The following OCM variants were observed in gnomAD, a reference collection of about 807,000 sequenced individuals.
OCM encodes oncomodulin-1.
OCM carries 18 observed loss-of-function variants against 14.1 expected under a neutral mutation model. The observed-to-expected ratio is 1.28, with a 90% CI of 0.88 to 1.89. OCM has a LOEUF of 1.89. OCM is among the 40% of genes most tolerant of loss of function. The pLI is 0.00. For missense variants in OCM, 140 were observed against 137.6 expected (o/e 1.02, Z -0.09); for synonymous variants, 48 against 51.0 (o/e 0.94, Z 0.25).
chr7:5,867,396 A>G, the OCM span, among the ~76,000 whole-genome samples: 1 of 151,720 alleles, frequency 6.6e-6, no homozygotes, highest in Non-Finnish European at 1.5e-5. Flanking sequence ...TGCCTTTATG[A>G]CCTTCATCTT....
At chr7:5,885,613 CTT>C (rs917292765) in intron 3 of OCM, among the ~76,000 whole-genome samples, 46 of 138,226 alleles carry the variant, frequency 3.3e-4, no homozygotes, top group Non-Finnish European at 3.3e-4. Context: ...TCTTTCTTTC[CTT>C]TTTTTTTTTT....
the OCM span, among the ~76,000 whole-genome samples, chr7:5,874,739 C>T: frequency 2.0e-4 from 31 of 151,982 alleles, no homozygotes; most frequent in Non-Finnish European, 4.3e-4. Flanking sequence ...CTCCTGGCTT[C>T]AAGCAATTTT....
upstream of OCM, chr7:5,880,723 C>A (rs1781193315): frequency 6.6e-6 from 4 of 601,672 alleles, no homozygotes; most frequent in Admixed American, 1.2e-4. Context: ...CACGCTCTTG[C>A]ACTCCAGCCT....
the OCM span, among the ~76,000 whole-genome samples, chr7:5,872,500 G>A: frequency 6.6e-6 from 1 of 152,026 alleles, no homozygotes; most frequent in Non-Finnish European, 1.5e-5. Context: ...CATCCCCCAC[G>A]TCACCACACA....
At chr7:5,860,340 A>G in the OCM span, among the ~76,000 whole-genome samples, 176 of 147,226 alleles carry the variant, frequency 1.2e-3, no homozygotes, top group African/African-American at 4.2e-3. Context: ...GGCTCTCCGT[A>G]TGTGTGTGTG....
chr7:5,874,362 T>A, the OCM span, among the ~76,000 whole-genome samples: 1 of 151,096 alleles, frequency 6.6e-6, no homozygotes, highest in Admixed American at 6.6e-5. Flanking sequence ...AATATATACA[T>A]ATACATGATA....
At chr7:5,869,920 G>A in the OCM span, among the ~76,000 whole-genome samples, 1 of 152,138 alleles carries the variant, frequency 6.6e-6, no homozygotes, top group Non-Finnish European at 1.5e-5. Context: ...CGCGCCACGT[G>A]TGTGAATTGC....
chr7:5,883,501 T>G (rs902587542), intron 2 of OCM, among the ~76,000 whole-genome samples: 12 of 152,048 alleles, frequency 7.9e-5, no homozygotes, highest in African/African-American at 2.7e-4. Flanking sequence ...CTGGGGAACA[T>G]GACAAAACCT....
At chr7:5,883,688 A>AAAACAAAC (rs57281164) in intron 2 of OCM, among the ~76,000 whole-genome samples, 8 of 150,182 alleles carry the variant, frequency 5.3e-5, no homozygotes, top group Admixed American at 1.3e-4. Flanking sequence ...CCCTGTCTCA[A>AAAACAAAC]AAACAAACAA....
At chr7:5,873,303 G>T in the OCM span, among the ~76,000 whole-genome samples, 1 of 152,180 alleles carries the variant, frequency 6.6e-6, no homozygotes. Context: ...CTTGAATCTG[G>T]GAGGTAGAGG....
the OCM span, among the ~76,000 whole-genome samples, chr7:5,860,476 TGTATATATAC>T: frequency 5.5e-5 from 2 of 36,576 alleles, no homozygotes; most frequent in African/African-American, 3.7e-4. Flanking sequence ...TATATATACG[TGTATATATAC>T]GTGTATATAT....
At chr7:5,862,668 C>G in the OCM span, among the ~76,000 whole-genome samples, 1 of 152,162 alleles carries the variant, frequency 6.6e-6, no homozygotes, top group Non-Finnish European at 1.5e-5. Context: ...AAACTCTTTA[C>G]TCCCTCTTTT....
At chr7:5,883,723 T>C (rs1402330306) in intron 2 of OCM, among the ~76,000 whole-genome samples, 167 bp from the exon 3 acceptor site, 1 of 151,924 alleles carries the variant, frequency 6.6e-6, no homozygotes, top group African/African-American at 2.4e-5. Context: ...AAAAATGAAG[T>C]GCCCACCATT....
chr7:5,877,189 G>T (rs1017736182), upstream of OCM, among the ~76,000 whole-genome samples: 2 of 152,054 alleles, frequency 1.3e-5, no homozygotes, highest in Non-Finnish European at 2.9e-5. Flanking sequence ...TTGAGGCTGG[G>T]CACAGTGGCT....
the OCM span, among the ~76,000 whole-genome samples, chr7:5,871,186 T>C: frequency 3.0e-3 from 443 of 148,680 alleles, no homozygotes; most frequent in African/African-American, 0.01. Context: ...CCCCCCCGTC[T>C]CTACAAAAAA....
At chr7:5,869,809 A>G in the OCM span, among the ~76,000 whole-genome samples, 1 of 152,040 alleles carries the variant, frequency 6.6e-6, no homozygotes, top group Non-Finnish European at 1.5e-5. Context: ...AACCTCTCGG[A>G]AGCACTCAAC....
At chr7:5,872,723 G>A in the OCM span, among the ~76,000 whole-genome samples, 1 of 152,042 alleles carries the variant, frequency 6.6e-6, no homozygotes, top group Non-Finnish European at 1.5e-5. Flanking sequence ...AAGTACCCAG[G>A]GACACAAACA....
chr7:5,879,030 A>G (rs932005557), upstream of OCM, among the ~76,000 whole-genome samples: 4 of 151,990 alleles, frequency 2.6e-5, no homozygotes, highest in Non-Finnish European at 4.4e-5. Context: ...TGTCTCTCCA[A>G]AAAATATGCA....
chr7:5,884,194 G>A (rs756650499), intron 3 of OCM, among the ~76,000 whole-genome samples, 195 bp downstream of exon 3: 5 of 152,106 alleles, frequency 3.3e-5, no homozygotes, highest in East Asian at 1.9e-4. Context: ...CATAATGCTC[G>A]GTAGGTACTA....
Sources: gnomAD v4.1 joint callset for allele counts (sites outside exome capture counted in the v4.1 genomes callset) on GRCh38, gnomAD v4.1.1 for gene constraint, MANE v1.5 for transcripts, NCBI Gene and HGNC (gene_info 2026-07-23, HGNC 2026-07-21) for gene names.